ALK: variants seen among roughly 807,000 people sequenced by gnomAD.
The protein encoded by ALK is ALK tyrosine kinase receptor.
Under a neutral mutation model 163.1 loss-of-function variants are expected in ALK, and 74 were observed. The ratio of observed to expected loss-of-function variants is 0.45; its 90% CI spans 0.38 to 0.55. The LOEUF is 0.55. Ranked by LOEUF, ALK falls within the 20% of genes least tolerant of loss-of-function variation. ALK has a pLI of 0.00. For missense variants in ALK, 2,063 were observed against 2,105.3 expected, an observed-to-expected ratio of 0.98 and a Z score of 0.39; for synonymous variants, 960 against 843.2, an observed-to-expected ratio of 1.14 and a Z score of -2.40.
At chr2:29,295,806 G>A (rs1387147373) in intron 9 of ALK, among the ~76,000 whole-genome samples, 1 of 152,186 alleles carries the variant, frequency 6.6e-6, no homozygotes, top group Non-Finnish European at 1.5e-5. Flanking sequence ...TGTGTTTTAG[G>A]AGTCTCAGGC....
chr2:29,768,726 T>A (rs1680932285), intron 1 of ALK, among the ~76,000 whole-genome samples: 1 of 142,208 alleles, frequency 7.0e-6, no homozygotes, highest in Admixed American at 7.4e-5. Flanking sequence ...TGTGTGTGTG[T>A]GTGTGTGTGT....
In ALK at chr2:29,843,602, A is replaced by G. The variant is rs116642881; in HGVS notation, c.667+76391T>C. ...CCAAGTTCTGCCTGACGCTGAATTC[A>G]TTGAAGGGGATTTCTATTGTAGAAC... On this transcript the variant is annotated intron_variant, in intron 1 of 28. Transcript: ENST00000389048. Among the ~76,000 whole-genome samples, 1,319 of 152,300 alleles carry G rather than the reference A, an allele frequency of 8.7e-3. 25 individuals are homozygous for G. The highest frequency in any genetic ancestry group is 0.029 in the African/African-American group (1,209 of 41,568).
intron 1 of ALK, among the ~76,000 whole-genome samples, chr2:29,805,877 A>C (rs937862129): frequency 6.6e-6 from 1 of 151,256 alleles, no homozygotes; most frequent in Non-Finnish European, 1.5e-5. Flanking sequence ...TCTCTATTTC[A>C]CTCCTGTATC....
intron 3 of ALK, among the ~76,000 whole-genome samples, chr2:29,663,475 A>G (rs1677413881): frequency 6.6e-6 from 1 of 152,098 alleles, no homozygotes; most frequent in Admixed American, 6.6e-5. Context: ...TTCTTTCACC[A>G]ACTTTTACCC....
At chr2:29,273,590 G>A (rs1449617941) in intron 11 of ALK, among the ~76,000 whole-genome samples, 3 of 152,186 alleles carry the variant, frequency 2.0e-5, no homozygotes, top group African/African-American at 7.2e-5. Flanking sequence ...AATGCTGGCT[G>A]CAGGGGGCTG....
intron 3 of ALK, among the ~76,000 whole-genome samples, chr2:29,556,803 C>T (rs919260421): frequency 9.9e-5 from 15 of 152,172 alleles, no homozygotes; most frequent in Non-Finnish European, 1.8e-4. Context: ...TATTACTAGC[C>T]CTCAAGGGCC....
At chr2:29,252,975 C>G (rs1664861224) in intron 11 of ALK, among the ~76,000 whole-genome samples, 1 of 151,930 alleles carries the variant, frequency 6.6e-6, no homozygotes, top group Non-Finnish European at 1.5e-5. Context: ...CAGACCTACC[C>G]CACCAAGCCC....
At chr2:29,431,703 A>T (rs1186877242) in intron 4 of ALK, among the ~76,000 whole-genome samples, 1 of 152,162 alleles carries the variant, frequency 6.6e-6, no homozygotes, top group Non-Finnish European at 1.5e-5. Flanking sequence ...TAACTAGGTC[A>T]TGGTGATGGT....
chr2:29,241,291 C>T (rs1558634058), intron 12 of ALK, among the ~76,000 whole-genome samples: 1 of 152,166 alleles, frequency 6.6e-6, no homozygotes, highest in Non-Finnish European at 1.5e-5. Context: ...TGCTCCCGGG[C>T]TCCCTGATCA....
At chr2:29,550,361 A>G (rs1349831828) in intron 3 of ALK, among the ~76,000 whole-genome samples, 1 of 152,222 alleles carries the variant, frequency 6.6e-6, no homozygotes, top group Non-Finnish European at 1.5e-5. Flanking sequence ...CTAGACAGCT[A>G]GAGCCTTTCC....
At chr2:29,302,735 T>G (rs1461630464) in intron 8 of ALK, among the ~76,000 whole-genome samples, 1 of 152,186 alleles carries the variant, frequency 6.6e-6, no homozygotes, top group Non-Finnish European at 1.5e-5. Flanking sequence ...TTTGGCCATT[T>G]TTTTTCATCC....
intron 3 of ALK, among the ~76,000 whole-genome samples, chr2:29,599,225 G>A (rs1432483727): frequency 6.6e-6 from 1 of 151,556 alleles, no homozygotes; most frequent in Non-Finnish European, 1.5e-5. Context: ...TCCTAGAGGA[G>A]TACTATGTAA....
intron 1 of ALK, among the ~76,000 whole-genome samples, chr2:29,823,165 G>A (rs986800539): frequency 6.6e-6 from 1 of 152,094 alleles, no homozygotes; most frequent in Admixed American, 6.5e-5. Context: ...TTTTTTGCCT[G>A]CTGCCACCCA....
intron 4 of ALK, among the ~76,000 whole-genome samples, chr2:29,445,160 T>C (rs1670641294): frequency 6.6e-6 from 1 of 152,210 alleles, no homozygotes; most frequent in Non-Finnish European, 1.5e-5. Context: ...ACTTGAACCC[T>C]TTCTATATAG....
At chr2:29,805,417 TA>T (rs10717108) in intron 1 of ALK, among the ~76,000 whole-genome samples, 1,637 of 152,318 alleles carry the variant, frequency 0.011, 28 homozygotes, top group African/African-American at 0.037. Context: ...TGTGCCATGG[TA>T]GTTTGCTGCA....
At chr2:29,232,517 G>A (rs1382152304) in intron 14 of ALK, 69 bp from the exon 15 acceptor site, 26 of 1,602,708 alleles carry the variant, frequency 1.6e-5, no homozygotes, top group Non-Finnish European at 2.1e-5. Context: ...CTAAGCTCTG[G>A]TAAATTCAAC....
chr2:29,546,535 G>T (rs973188874), intron 3 of ALK, among the ~76,000 whole-genome samples: 4 of 152,204 alleles, frequency 2.6e-5, no homozygotes, highest in Admixed American at 2.6e-4. Flanking sequence ...GGAGGAGGAG[G>T]ACGGAAGGGA....
chr2:29,711,763 C>T (rs891989625), intron 2 of ALK, among the ~76,000 whole-genome samples: 6 of 152,128 alleles, frequency 3.9e-5, no homozygotes, highest in African/African-American at 4.8e-5. Flanking sequence ...GAGCCAAGGG[C>T]GACCCCTACT....
intron 4 of ALK, among the ~76,000 whole-genome samples, chr2:29,507,883 A>G (rs1381041109): frequency 6.6e-6 from 1 of 152,202 alleles, no homozygotes; most frequent in East Asian, 1.9e-4. Flanking sequence ...GATCATAATC[A>G]GTTATCTTGG....
Sources: gnomAD v4.1 joint callset for allele counts (sites outside exome capture counted in the v4.1 genomes callset) on GRCh38, gnomAD v4.1.1 for gene constraint, MANE v1.5 for transcripts, NCBI Gene and HGNC (gene_info 2026-07-23, HGNC 2026-07-21) for gene names.